Variants in WWOX observed in about 807,000 individuals in gnomAD.
WWOX encodes the protein WW domain-containing oxidoreductase.
Under a neutral mutation model 46.2 loss-of-function variants are expected in WWOX, and 69 were observed. The observed-to-expected ratio is 1.49, with a 90% confidence interval of 1.23 to 1.82. The LOEUF is 1.82. Among genes scored for constraint, WWOX ranks in the 40% most tolerant of loss-of-function variants. The probability of loss-of-function intolerance (pLI) is 0.00; values close to 1 mark genes in which losing one functional copy is unlikely to be tolerated. For synonymous variants in WWOX, 359 were observed against 202.6 expected, an observed-to-expected ratio of 1.77 and a Z score of -6.56; for missense variants, 919 against 542.6, an observed-to-expected ratio of 1.69 and a Z score of -6.89.
Position 79,211,832 on chromosome 16 carries a change from C to T in WWOX, c.*36C>T, listed in dbSNP as rs772728790. The T allele has an allele frequency of 3.1e-6, 5 of 1,612,674 alleles. No individual in the cohort carries two copies. The African/African-American group carries it at 5.3e-5, about 17-fold the overall frequency. On this transcript the variant is annotated 3_prime_UTR_variant, in exon 9 of 9. Coordinates refer to ENST00000566780, the MANE Select transcript of WWOX (RefSeq NM_016373.4). ...GAGCGGATGGGCACACACACCCGCCCTGTGTGTGTCCCCTCACGCAAGTGC... is the reference window on the plus strand; with the variant it reads ...GAGCGGATGGGCACACACACCCGCCTTGTGTGTGTCCCCTCACGCAAGTGC...
chr16:78,401,466 G>C (rs2082411764), intron 6 of WWOX, among the ~76,000 whole-genome samples: 1 of 152,120 alleles, frequency 6.6e-6, no homozygotes, highest in Non-Finnish European at 1.5e-5. Context: ...TCTAAAAAAA[G>C]AGTAACCTAT....
At chr16:78,333,700 G>A (rs1025563291) in intron 5 of WWOX, among the ~76,000 whole-genome samples, 6 of 152,140 alleles carry the variant, frequency 3.9e-5, no homozygotes, top group Non-Finnish European at 7.3e-5. Flanking sequence ...TTGTATATAT[G>A]TATGTACATA....
At chr16:78,244,851 A>T (rs1257440975) in intron 5 of WWOX, among the ~76,000 whole-genome samples, 1 of 152,226 alleles carries the variant, frequency 6.6e-6, no homozygotes. Flanking sequence ...TCTTCTTAAA[A>T]TTAGCTATTT....
At chr16:78,954,690 G>A (rs1375580893) in intron 8 of WWOX, among the ~76,000 whole-genome samples, 1 of 152,166 alleles carries the variant, frequency 6.6e-6, no homozygotes, top group Non-Finnish European at 1.5e-5. Flanking sequence ...TTCCTGTAAT[G>A]GGAGTCTAGG....
intron 8 of WWOX, among the ~76,000 whole-genome samples, chr16:78,517,997 G>A (rs2043274489): frequency 6.6e-6 from 1 of 151,342 alleles, no homozygotes; most frequent in Non-Finnish European, 1.5e-5. Flanking sequence ...AGAAGTAACA[G>A]TCCTTGGTTT....
At chr16:78,695,831 G>C (rs1567497461) in intron 8 of WWOX, among the ~76,000 whole-genome samples, 1 of 152,198 alleles carries the variant, frequency 6.6e-6, no homozygotes, top group African/African-American at 2.4e-5. Flanking sequence ...CCATGGGTGT[G>C]CATCAGGTAC....
In WWOX at chr16:78,774,546, G is replaced by T. The variant is rs978259013; in HGVS notation, c.1056+341794G>T. 2.0e-5 allele frequency among the ~76,000 whole-genome samples: 3 copies of T among 151,304 alleles called. No individual in the cohort carries two copies. The East Asian group carries it at 5.9e-4, about 30-fold the overall frequency. The stretch of plus-strand genomic sequence containing the variant: ...TGTGTGTGTGTGCGCGTGCGCACAC[G>T]CATGAGCCTGTACGTGTCCCCCTCC... On this transcript the variant is annotated intron_variant, in intron 8 of 8. Coordinates refer to ENST00000566780, the MANE Select transcript of WWOX (RefSeq NM_016373.4).
At chr16:78,412,971 C>A (rs989379757) in intron 6 of WWOX, among the ~76,000 whole-genome samples, 1 of 152,094 alleles carries the variant, frequency 6.6e-6, no homozygotes, top group Non-Finnish European at 1.5e-5. Flanking sequence ...TCCTTCTGTT[C>A]TGATTTTTCC....
intron 8 of WWOX, among the ~76,000 whole-genome samples, chr16:78,724,914 C>G (rs533978869): frequency 2.0e-5 from 3 of 152,264 alleles, no homozygotes; most frequent in East Asian, 3.9e-4. Flanking sequence ...GGCTGAGCAC[C>G]TAGTAGTGAT....
intron 8 of WWOX, among the ~76,000 whole-genome samples, chr16:79,087,088 G>C (rs565871598): frequency 6.6e-6 from 1 of 152,200 alleles, no homozygotes; most frequent in East Asian, 1.9e-4. Flanking sequence ...GGCACTGATG[G>C]AGTAAGGATG....
intron 8 of WWOX, among the ~76,000 whole-genome samples, chr16:78,481,764 T>TGCGCGC (rs1555547243): frequency 4.1e-5 from 6 of 148,034 alleles, no homozygotes; most frequent in African/African-American, 1.5e-4. Flanking sequence ...TGTGTGTGTG[T>TGCGCGC]GCGCGCGCCT....
chr16:79,208,629 AAATTTTTTT>A (rs2051603345), intron 8 of WWOX, among the ~76,000 whole-genome samples: 1 of 85,058 alleles, frequency 1.2e-5, no homozygotes, highest in South Asian at 2.8e-4. Flanking sequence ...AGTGCTCTTT[AAATTTTTTT>A]TTTAATCAGT....
At chr16:78,122,697 C>CGGGTTG (rs2033158189) in intron 4 of WWOX, among the ~76,000 whole-genome samples, 1 of 151,790 alleles carries the variant, frequency 6.6e-6, no homozygotes, top group South Asian at 2.1e-4. Flanking sequence ...CTCCGCCTCC[C>CGGGTTG]GGGTTGAAGT....
intron 8 of WWOX, among the ~76,000 whole-genome samples, chr16:79,177,270 A>G (rs2050818699): frequency 6.6e-6 from 1 of 152,074 alleles, no homozygotes; most frequent in Admixed American, 6.5e-5. Context: ...AGCGACTGTC[A>G]TTTCTACACC....
At chr16:78,800,551 G>T (rs140640017) in intron 8 of WWOX, among the ~76,000 whole-genome samples, 1 of 152,150 alleles carries the variant, frequency 6.6e-6, no homozygotes, top group Non-Finnish European at 1.5e-5. Flanking sequence ...GCCTGCAAAC[G>T]TGAATTAATA....
At chr16:78,289,670 A>T (rs1341802461) in intron 5 of WWOX, among the ~76,000 whole-genome samples, 1 of 152,268 alleles carries the variant, frequency 6.6e-6, no homozygotes, top group East Asian at 1.9e-4. Context: ...ATATACACAG[A>T]TTCCAATTGT....
At chr16:78,840,126 T>C (rs1040654885) in intron 8 of WWOX, among the ~76,000 whole-genome samples, 2 of 152,234 alleles carry the variant, frequency 1.3e-5, no homozygotes, top group African/African-American at 2.4e-5. Context: ...GTTATCATTA[T>C]GGCATGGGAG....
At chr16:78,546,859 G>T (rs945067265) in intron 8 of WWOX, among the ~76,000 whole-genome samples, 3 of 152,196 alleles carry the variant, frequency 2.0e-5, no homozygotes, top group African/African-American at 4.8e-5. Context: ...AGGCCCGGTG[G>T]CTCATGCCCG....
intron 8 of WWOX, among the ~76,000 whole-genome samples, chr16:79,060,170 C>T (rs1424967013): frequency 1.3e-5 from 2 of 152,268 alleles, no homozygotes; most frequent in South Asian, 2.1e-4. Context: ...GGGAGGAGAA[C>T]ATAAAAACCC....
Sources: allele counts gnomAD v4.1 joint callset (sites outside exome capture counted in the v4.1 genomes callset), GRCh38; gene constraint gnomAD v4.1.1; transcripts MANE v1.5; gene names NCBI Gene and HGNC (gene_info 2026-07-23, HGNC 2026-07-21).